VWA8: variants seen among roughly 807,000 people sequenced by gnomAD.
The protein encoded by VWA8 is von Willebrand factor A domain containing 8.
A neutral mutation model predicts 241.5 loss-of-function variants in VWA8; 221 were observed. The observed-to-expected ratio is 0.91, with a 90% CI of 0.82 to 1.02. VWA8 has a LOEUF of 1.02. VWA8 is among the 50% of genes least tolerant of loss of function. The pLI is 0.00. For missense variants in VWA8, 2,322 were observed against 2,328.7 expected, an observed-to-expected ratio of 1.00 and a Z score of 0.06; for synonymous variants, 852 against 827.1, an observed-to-expected ratio of 1.03 and a Z score of -0.52.
chr13:41,592,474 A>AAAAAT (rs200016975), intron 40 of VWA8, among the ~76,000 whole-genome samples: 24 of 148,136 alleles, frequency 1.6e-4, no homozygotes, highest in South Asian at 2.1e-4. Context: ...TAATAATAAA[A>AAAAAT]AAAATAAAAT....
intron 20 of VWA8, among the ~76,000 whole-genome samples, chr13:41,775,639 T>G (rs1011639125): frequency 6.6e-6 from 1 of 152,162 alleles, no homozygotes; most frequent in African/African-American, 2.4e-5. Context: ...TATGGAGCTG[T>G]AGCTGCCCTT....
At chr13:41,609,313 G>A (rs951626874) in intron 39 of VWA8, among the ~76,000 whole-genome samples, 10 of 152,076 alleles carry the variant, frequency 6.6e-5, no homozygotes, top group Admixed American at 2.0e-4. Context: ...TGGCAAAACC[G>A]TTTTAAAACC....
intron 4 of VWA8, among the ~76,000 whole-genome samples, chr13:41,896,294 C>T (rs1293900672): frequency 6.6e-6 from 1 of 151,810 alleles, no homozygotes; most frequent in Non-Finnish European, 1.5e-5. Flanking sequence ...AAGAAAAGTA[C>T]ACTTCAAATT....
chr13:41,752,275 TCAGTTTGAGTGCTA>T (rs1180831586), intron 21 of VWA8, among the ~76,000 whole-genome samples: 7 of 152,146 alleles, frequency 4.6e-5, no homozygotes, highest in Non-Finnish European at 8.8e-5. Context: ...CCCTTAAGAC[TCAGTTTGAGTGCTA>T]CCTTCTCCAC....
At chr13:41,572,818 A>G (rs1015713878) in intron 43 of VWA8, among the ~76,000 whole-genome samples, 1 of 149,802 alleles carries the variant, frequency 6.7e-6, no homozygotes, top group Non-Finnish European at 1.5e-5. Context: ...AAAAAAAAAA[A>G]AAAGAAACAG....
intron 1 of VWA8, among the ~76,000 whole-genome samples, chr13:41,950,686 T>TA (rs1437046827): frequency 6.8e-6 from 1 of 146,830 alleles, no homozygotes. Context: ...TTTTTTTTTT[T>TA]AAGACGGACT....
chr13:41,724,124 T>C (rs1266804261), intron 24 of VWA8, among the ~76,000 whole-genome samples: 3 of 152,150 alleles, frequency 2.0e-5, no homozygotes, highest in African/African-American at 7.2e-5. Context: ...TTCAGTACGA[T>C]GAGGACTAAG....
At chr13:41,727,438 C>T (rs2045445857) in intron 23 of VWA8, 125 bp from the exon 24 acceptor site, 1 of 870,652 alleles carries the variant, frequency 1.1e-6, no homozygotes. Context: ...AGATATTTGG[C>T]TGTGATAACT....
chr13:41,660,997 C>G (rs1217478721), intron 37 of VWA8, among the ~76,000 whole-genome samples: 1 of 151,940 alleles, frequency 6.6e-6, no homozygotes, highest in African/African-American at 2.4e-5. Context: ...TCCCAAGTAG[C>G]TGGGACTACA....
At chr13:41,586,480 T>G (rs2044418909) in intron 42 of VWA8, among the ~76,000 whole-genome samples, 1 of 152,246 alleles carries the variant, frequency 6.6e-6, no homozygotes, top group African/African-American at 2.4e-5. Context: ...ATTCATTAGC[T>G]GAAGCTGCCC....
rs916364776 is a variant in VWA8 at position 41,774,243 on chromosome 13, G to A, written c.2349+3742C>T. 3.3e-5 allele frequency among the ~76,000 whole-genome samples: 5 copies of A among 152,130 alleles called. No homozygotes were observed. In the South Asian group the frequency reaches 1.0e-3, roughly 32 times the overall value. ...CAGCCTCCGTCTCCCAGGTTCAAGCGATTCTCCTGTCTCAGCCTCCGAAGT... is the reference window on the plus strand; with the variant it reads ...CAGCCTCCGTCTCCCAGGTTCAAGCAATTCTCCTGTCTCAGCCTCCGAAGT... On this transcript the variant is annotated intron_variant, in intron 20 of 44. Transcript: ENST00000379310.
chr13:41,703,235 T>C, intron 27 of VWA8, 68 bp downstream of exon 27: 1 of 1,221,718 alleles, frequency 8.2e-7, no homozygotes, highest in Non-Finnish European at 1.2e-6. Context: ...GTTTGAATTA[T>C]CTCCAGGGAA....
chr13:41,754,296 G>T (rs549552579), intron 21 of VWA8, among the ~76,000 whole-genome samples: 1 of 152,170 alleles, frequency 6.6e-6, no homozygotes, highest in African/African-American at 2.4e-5. Flanking sequence ...TTTTAAAAAG[G>T]GGAGTTTCCC....
intron 2 of VWA8, among the ~76,000 whole-genome samples, chr13:41,929,605 T>G (rs116431747): frequency 0.011 from 1,680 of 152,288 alleles, 31 homozygotes; most frequent in African/African-American, 0.039. Context: ...AGAAATAAAT[T>G]CAAACATATA....
At chr13:41,720,386 T>A (rs2045379853) in intron 25 of VWA8, among the ~76,000 whole-genome samples, 1 of 152,156 alleles carries the variant, frequency 6.6e-6, no homozygotes, top group Non-Finnish European at 1.5e-5. Context: ...CTGTTATTTT[T>A]AATCTTGATT....
At chr13:41,874,555 A>G (rs1203742719) in intron 9 of VWA8, among the ~76,000 whole-genome samples, 1 of 152,140 alleles carries the variant, frequency 6.6e-6, no homozygotes, top group Non-Finnish European at 1.5e-5. Flanking sequence ...ACAAACAGAG[A>G]GCCAAATCAT....
chr13:41,952,515 G>C (rs567138208), intron 1 of VWA8, among the ~76,000 whole-genome samples: 1 of 152,068 alleles, frequency 6.6e-6, no homozygotes, highest in Non-Finnish European at 1.5e-5. Flanking sequence ...TTTTCAAATA[G>C]GATGTCTTTA....
chr13:41,860,368 TA>T (rs757313890), intron 12 of VWA8, among the ~76,000 whole-genome samples: 1 of 152,188 alleles, frequency 6.6e-6, no homozygotes, highest in African/African-American at 2.4e-5. Context: ...AAAGGATGGG[TA>T]AATGTTTTTA....
chr13:41,959,302 G>A (rs1013266776), intron 1 of VWA8, among the ~76,000 whole-genome samples: 2 of 152,000 alleles, frequency 1.3e-5, no homozygotes, highest in East Asian at 3.9e-4. Flanking sequence ...AACGACCCAT[G>A]GTTAGATAGT....
Sources: gnomAD v4.1 joint callset for allele counts (sites outside exome capture counted in the v4.1 genomes callset) on GRCh38, gnomAD v4.1.1 for gene constraint, MANE v1.5 for transcripts, NCBI Gene and HGNC (gene_info 2026-07-23, HGNC 2026-07-21) for gene names.